Variants in PYM1 observed in about 807,000 individuals in gnomAD.
PYM1 encodes PYM1 exon junction complex associated factor, also known as partner of Y14 and mago.
Under a neutral mutation model 20.7 loss-of-function variants are expected in PYM1, and 7 were observed. The observed-to-expected ratio is 0.34, with a 90% confidence interval of 0.19 to 0.64. PYM1 has a LOEUF of 0.64. Ranked by LOEUF, PYM1 falls within the 30% of genes least tolerant of loss-of-function variation. PYM1 has a pLI of 0.74. For synonymous variants in PYM1, 100 were observed against 99.2 expected (o/e 1.01, Z -0.05); for missense variants, 194 against 250.0 (o/e 0.78, Z 1.51).
At chr12:55,907,251 T>G (rs1066130) in intron 1 of PYM1, among the ~76,000 whole-genome samples, 6,155 of 150,978 alleles carry the variant, frequency 0.041, 417 homozygotes, top group African/African-American at 0.14. Context: ...ATCACACAAG[T>G]CCAGGAGTTC....
intron 1 of PYM1, among the ~76,000 whole-genome samples, chr12:55,920,493 C>T (rs1365917746): frequency 6.6e-6 from 1 of 151,572 alleles, no homozygotes; most frequent in African/African-American, 2.4e-5. Context: ...CAAAAATTAC[C>T]TGGGAGTGGG....
chr12:55,912,284 G>A (rs1267096315), intron 1 of PYM1, among the ~76,000 whole-genome samples: 3 of 152,024 alleles, frequency 2.0e-5, no homozygotes, highest in East Asian at 1.9e-4. Flanking sequence ...TCTGGGAAGT[G>A]GAGGTTGCAG....
At chr12:55,918,582 AAATTAGGCTGG>A (rs1883047871) in intron 1 of PYM1, among the ~76,000 whole-genome samples, 1 of 152,148 alleles carries the variant, frequency 6.6e-6, no homozygotes, top group Non-Finnish European at 1.5e-5. Context: ...AAAAATTTAA[AAATTAGGCTGG>A]ACATGGTGGC....
intron 1 of PYM1, among the ~76,000 whole-genome samples, chr12:55,904,614 A>AAAAAAG: frequency 6.6e-6 from 1 of 150,588 alleles, no homozygotes; most frequent in African/African-American, 2.4e-5. Context: ...AAAAAAAAAA[A>AAAAAAG]AAAAAGAAAA....
intron 1 of PYM1, among the ~76,000 whole-genome samples, chr12:55,906,002 A>C (rs557279573): frequency 4.3e-5 from 6 of 140,748 alleles, no homozygotes; most frequent in Admixed American, 7.8e-5. Context: ...AAAATAAATA[A>C]GTTTTCCAAA....
intron 1 of PYM1, among the ~76,000 whole-genome samples, chr12:55,920,761 A>G (rs995297612): frequency 6.6e-6 from 1 of 152,236 alleles, no homozygotes; most frequent in Non-Finnish European, 1.5e-5. Flanking sequence ...GTCCAATAAC[A>G]GAAGAAAGTA....
chr12:55,922,292 A>G (rs1434524969), intron 1 of PYM1, among the ~76,000 whole-genome samples: 5 of 151,940 alleles, frequency 3.3e-5, no homozygotes, highest in African/African-American at 9.7e-5. Flanking sequence ...CTTACAAACA[A>G]TATCTCTGCC....
chr12:55,909,140 A>C (rs935143105), intron 1 of PYM1, among the ~76,000 whole-genome samples: 3 of 152,194 alleles, frequency 2.0e-5, no homozygotes, highest in Admixed American at 1.3e-4. Flanking sequence ...GGTGAGTAAA[A>C]CATAACTACT....
At chr12:55,914,180 T>G (rs959067484) in intron 1 of PYM1, 9 of 647,850 alleles carry the variant, frequency 1.4e-5, no homozygotes, top group African/African-American at 1.3e-4. Context: ...GGACTAAAGA[T>G]AGACTGTAAT....
At chr12:55,908,031 G>A (rs1375724015) in intron 1 of PYM1, among the ~76,000 whole-genome samples, 1 of 151,044 alleles carries the variant, frequency 6.6e-6, no homozygotes, top group East Asian at 1.9e-4. Flanking sequence ...ATTACTTGAG[G>A]TCAGGAGTTC....
chr12:55,905,921 TTATA>T (rs1181410161), intron 1 of PYM1, among the ~76,000 whole-genome samples: 2 of 103,184 alleles, frequency 1.9e-5, no homozygotes, highest in Non-Finnish European at 3.6e-5. Context: ...ATATATATTA[TTATA>T]TATATCTAAT....
rs532895115 is a variant in PYM1 at position 55,924,926 on chromosome 12, C to T, written c.37+2799G>A. ...TCTTGAACCCCTGACCTCAGTTGAT[C>T]CACCCACCTCGGCCTCCCAAAGTGC... On this transcript the variant is annotated intron_variant, in intron 1 of 2. Coordinates refer to ENST00000408946, the MANE Select transcript of PYM1 (RefSeq NM_032345.3). Among the ~76,000 whole-genome samples, 120 of 152,342 alleles carry T rather than the reference C, an allele frequency of 7.9e-4. 1 individual carries two copies. Among genetic ancestry groups the T allele is most frequent in the African/African-American group, 2.6e-3 (109 of 41,590 alleles).
intron 1 of PYM1, among the ~76,000 whole-genome samples, chr12:55,916,375 A>C (rs1355085906): frequency 6.6e-6 from 1 of 152,138 alleles, no homozygotes; most frequent in African/African-American, 2.4e-5. Context: ...AAGGTAGCAC[A>C]TATCTGTAAC....
intron 1 of PYM1, among the ~76,000 whole-genome samples, chr12:55,909,437 C>T (rs1169912958): frequency 6.6e-6 from 1 of 152,216 alleles, no homozygotes; most frequent in African/African-American, 2.4e-5. Flanking sequence ...TAATATCTGG[C>T]ACATGGCATG....
intron 1 of PYM1, 139 bp downstream of exon 1, chr12:55,927,586 G>A (rs1321616806): frequency 2.7e-6 from 3 of 1,124,830 alleles, no homozygotes; most frequent in Non-Finnish European, 3.8e-6. Context: ...AGTGTTTCTA[G>A]GGACGGTTGG....
At chr12:55,927,415 C>G (rs1883213630) in intron 1 of PYM1, 1 of 710,372 alleles carries the variant, frequency 1.4e-6, no homozygotes, top group Admixed American at 2.0e-5. Context: ...CTCGTACGTC[C>G]AGGACCTGCG....
intron 1 of PYM1, among the ~76,000 whole-genome samples, chr12:55,921,289 T>C (rs1883093613): frequency 6.6e-6 from 1 of 152,246 alleles, no homozygotes; most frequent in African/African-American, 2.4e-5. Flanking sequence ...TAAATTACTT[T>C]ATTTAAATTT....
chr12:55,919,562 G>A (rs534827954), intron 1 of PYM1, among the ~76,000 whole-genome samples: 95 of 152,230 alleles, frequency 6.2e-4, no homozygotes, highest in African/African-American at 2.2e-3. Flanking sequence ...TTCAAAATAT[G>A]TCATTTTACC....
At chr12:55,910,308 TCTCA>T (rs1882899257) in intron 1 of PYM1, among the ~76,000 whole-genome samples, 1 of 151,018 alleles carries the variant, frequency 6.6e-6, no homozygotes, top group African/African-American at 2.4e-5. Flanking sequence ...TGAGACGGAA[TCTCA>T]CTCTGTCTCT....
Sources: allele counts gnomAD v4.1 joint callset (sites outside exome capture counted in the v4.1 genomes callset), GRCh38; gene constraint gnomAD v4.1.1; transcripts MANE v1.5; gene names NCBI Gene and HGNC (gene_info 2026-07-23, HGNC 2026-07-21).